The following NEK10 variants were observed in gnomAD, a reference collection of about 807,000 sequenced individuals.
NEK10 encodes the protein serine/threonine-protein kinase Nek10.
In NEK10, 122 loss-of-function variants were observed where a neutral mutation model predicts 159.8. The ratio of observed to expected loss-of-function variants is 0.76; its 90% confidence interval spans 0.66 to 0.89. NEK10 has a LOEUF of 0.89. Among genes scored for constraint, NEK10 ranks in the 40% least tolerant of loss-of-function variants. The pLI is 0.00. For missense variants in NEK10, 1,342 were observed against 1,323.1 expected, an observed-to-expected ratio of 1.01 and a Z score of -0.22; for synonymous variants, 466 against 457.1, an observed-to-expected ratio of 1.02 and a Z score of -0.25.
At chr3:27,231,517 A>T (rs1251348484) in intron 23 of NEK10, among the ~76,000 whole-genome samples, 1 of 151,986 alleles carries the variant, frequency 6.6e-6, no homozygotes, top group Non-Finnish European at 1.5e-5. Flanking sequence ...ACTAAATGAA[A>T]GTGAAACAAA....
chr3:27,238,037 T>A (rs1201480096), intron 23 of NEK10, among the ~76,000 whole-genome samples: 4 of 152,188 alleles, frequency 2.6e-5, no homozygotes, highest in Admixed American at 2.6e-4. Context: ...CAGGGTTTTT[T>A]ATTTGGGGAT....
chr3:27,290,413 G>C (rs926089510), intron 19 of NEK10, among the ~76,000 whole-genome samples: 2 of 152,134 alleles, frequency 1.3e-5, no homozygotes, highest in Admixed American at 6.5e-5. Context: ...TTGCATCCAT[G>C]ACCCTGATAT....
At chr3:27,295,555 C>A in intron 15 of NEK10, 58 bp downstream of exon 15, 1 of 1,519,172 alleles carries the variant, frequency 6.6e-7, no homozygotes, top group South Asian at 1.2e-5. Context: ...ATCATTTTAC[C>A]ATAGTTACCC....
At chr3:27,318,216 T>C (rs2045359018) in intron 6 of NEK10, among the ~76,000 whole-genome samples, 2 of 152,196 alleles carry the variant, frequency 1.3e-5, no homozygotes, top group South Asian at 2.1e-4. Flanking sequence ...ACTCGATTTG[T>C]AGGAGGATGA....
intron 22 of NEK10, chr3:27,278,640 T>C: frequency 1.1e-6 from 1 of 922,022 alleles, no homozygotes; most frequent in Admixed American, 6.2e-5. Context: ...CTAAAGTCCA[T>C]GCCTGAAATC....
At chr3:27,245,559 C>T (rs551543259) in intron 23 of NEK10, among the ~76,000 whole-genome samples, 1 of 152,286 alleles carries the variant, frequency 6.6e-6, no homozygotes, top group African/African-American at 2.4e-5. Flanking sequence ...ATTAATGAAG[C>T]CATCTTGGAC....
intron 35 of NEK10, among the ~76,000 whole-genome samples, chr3:27,111,920 A>T (rs1559466991): frequency 6.6e-6 from 1 of 152,222 alleles, no homozygotes; most frequent in Non-Finnish European, 1.5e-5. Context: ...CATGCAAATG[A>T]TCAAAAATAG....
At chr3:27,335,404 T>A (rs571477069) in intron 5 of NEK10, among the ~76,000 whole-genome samples, 2 of 148,006 alleles carry the variant, frequency 1.4e-5, no homozygotes, top group African/African-American at 5.0e-5. Flanking sequence ...AATACAATAA[T>A]AGCGAGGGAC....
At chr3:27,240,747 G>A (rs1954461656) in intron 23 of NEK10, among the ~76,000 whole-genome samples, 1 of 151,514 alleles carries the variant, frequency 6.6e-6, no homozygotes. Flanking sequence ...TGTCTCCCAG[G>A]CTCAAGCAAT....
At chr3:27,133,335 G>A (rs962425968) in intron 31 of NEK10, among the ~76,000 whole-genome samples, 3 of 152,136 alleles carry the variant, frequency 2.0e-5, no homozygotes, top group African/African-American at 7.2e-5. Context: ...GCAAAGAATA[G>A]GGCCTACAGG....
chr3:27,365,735 C>G (rs1294044174), intron 1 of NEK10, among the ~76,000 whole-genome samples: 1 of 150,756 alleles, frequency 6.6e-6, no homozygotes, highest in Non-Finnish European at 1.5e-5. Context: ...GTCTCAGCCT[C>G]CAGAGTAGCT....
chr3:27,307,546 A>T (rs2149573307), intron 11 of NEK10, among the ~76,000 whole-genome samples: 1 of 152,302 alleles, frequency 6.6e-6, no homozygotes, highest in South Asian at 2.1e-4. Context: ...CTAAAACTAG[A>T]GCCACCTCAG....
intron 1 of NEK10, among the ~76,000 whole-genome samples, chr3:27,356,374 T>C (rs2048327465): frequency 6.6e-6 from 1 of 152,040 alleles, no homozygotes; most frequent in Non-Finnish European, 1.5e-5. Context: ...AAGCCAAGTG[T>C]GGTGGTGTGT....
chr3:27,271,169 A>T (rs532870757), intron 22 of NEK10, among the ~76,000 whole-genome samples: 19 of 151,384 alleles, frequency 1.3e-4, no homozygotes, highest in African/African-American at 3.9e-4. Flanking sequence ...CTATCTATCT[A>T]TCTATCTATC....
intron 5 of NEK10, among the ~76,000 whole-genome samples, chr3:27,326,742 G>A (rs1015836537): frequency 1.3e-5 from 2 of 152,034 alleles, no homozygotes; most frequent in African/African-American, 4.8e-5. Flanking sequence ...ATATTTCTAC[G>A]CGGCCTCTGC....
chr3:27,320,385 T>C (rs2045531954), intron 6 of NEK10, among the ~76,000 whole-genome samples: 1 of 152,210 alleles, frequency 6.6e-6, no homozygotes, highest in Non-Finnish European at 1.5e-5. Context: ...CAAGTCAGAT[T>C]AACTGGACCT....
chr3:27,167,673 T>C (rs1460699748), intron 29 of NEK10, among the ~76,000 whole-genome samples: 1 of 152,174 alleles, frequency 6.6e-6, no homozygotes, highest in African/African-American at 2.4e-5. Context: ...TAGCAAATAG[T>C]AATAGATATA....
intron 6 of NEK10, among the ~76,000 whole-genome samples, chr3:27,318,428 TAAA>T (rs1211293019): frequency 6.6e-6 from 1 of 152,216 alleles, no homozygotes; most frequent in African/African-American, 2.4e-5. Context: ...TTTACACTCT[TAAA>T]AATTACTGAG....
intron 1 of NEK10, among the ~76,000 whole-genome samples, chr3:27,360,762 C>T (rs1426845102): frequency 2.0e-5 from 3 of 152,138 alleles, no homozygotes; most frequent in Admixed American, 6.6e-5. Flanking sequence ...TTTTAATCAT[C>T]ATAGAGTGGT....
Sources: allele counts gnomAD v4.1 joint callset (sites outside exome capture counted in the v4.1 genomes callset), GRCh38; gene constraint gnomAD v4.1.1; transcripts MANE v1.5; gene names NCBI Gene and HGNC (gene_info 2026-07-23, HGNC 2026-07-21).